The following FAM120B variants were observed in gnomAD, a reference collection of about 807,000 sequenced individuals.
FAM120B encodes the protein constitutive coactivator of peroxisome proliferator-activated receptor gamma.
In FAM120B, 83 loss-of-function variants were observed where a neutral mutation model predicts 96.3. The ratio of observed to expected loss-of-function variants is 0.86; its 90% confidence interval spans 0.72 to 1.03. FAM120B has a LOEUF of 1.03. Among genes scored for constraint, FAM120B ranks in the 50% least tolerant of loss-of-function variants. FAM120B has a pLI of 0.00. For synonymous variants in FAM120B, 407 were observed against 402.7 expected, an observed-to-expected ratio of 1.01 and a Z score of -0.13; for missense variants, 1,027 against 1,121.2, an observed-to-expected ratio of 0.92 and a Z score of 1.20.
At chr6:170,348,432 C>T in intron 5 of FAM120B, 109 bp downstream of exon 5, 1 of 979,342 alleles carries the variant, frequency 1.0e-6, no homozygotes, top group Non-Finnish European at 1.5e-6. Context: ...TTTCCAATGT[C>T]TGTTCCATGG....
chr6:170,368,421 C>G (rs1211381040), intron 6 of FAM120B, among the ~76,000 whole-genome samples: 1 of 152,114 alleles, frequency 6.6e-6, no homozygotes, highest in Non-Finnish European at 1.5e-5. Flanking sequence ...TCTCACTTTA[C>G]AAATTGAATA....
intron 3 of FAM120B, among the ~76,000 whole-genome samples, chr6:170,327,293 A>G (rs534549262): frequency 9.9e-5 from 15 of 152,142 alleles, no homozygotes; most frequent in Middle Eastern, 6.8e-3. Context: ...TGATCCGCCC[A>G]CCTCGGCCTC....
At position 170,317,374 on chromosome 6, in the gene FAM120B, T is replaced by C; in HGVS notation, c.-17T>C. 6.3e-7 allele frequency: 1 copy of C among 1,596,050 alleles called. No homozygotes were observed. Among genetic ancestry groups the C allele is most frequent in the South Asian group, 1.1e-5 (1 of 90,144 alleles). ...TTAATTTATCTTTCTTTCCAGATCCTTTCCCGGAGTTCAGTTATGGGTGTG... is the reference window on the plus strand; with the variant it reads ...TTAATTTATCTTTCTTTCCAGATCCCTTCCCGGAGTTCAGTTATGGGTGTG... On this transcript the variant is annotated 5_prime_UTR_variant, in exon 2 of 11. Coordinates refer to ENST00000476287, the MANE Select transcript of FAM120B (RefSeq NM_032448.3).
chr6:170,334,456 G>C (rs1157865435), intron 4 of FAM120B, among the ~76,000 whole-genome samples: 1 of 152,158 alleles, frequency 6.6e-6, no homozygotes, highest in Non-Finnish European at 1.5e-5. Context: ...TACATACACT[G>C]TTGAAGGTTT....
intron 6 of FAM120B, among the ~76,000 whole-genome samples, chr6:170,368,557 G>C (rs1788946458): frequency 6.6e-6 from 1 of 152,018 alleles, no homozygotes; most frequent in African/African-American, 2.4e-5. Flanking sequence ...TGTTTTCAAG[G>C]AGATATTTAC....
chr6:170,396,406 G>A (rs889626325), intron 9 of FAM120B, among the ~76,000 whole-genome samples: 6 of 152,288 alleles, frequency 3.9e-5, no homozygotes, highest in Non-Finnish European at 7.3e-5. Context: ...AGCAAACATT[G>A]CGAGTCCACT....
chr6:170,337,477 T>C (rs2115094816), intron 4 of FAM120B, among the ~76,000 whole-genome samples: 1 of 152,114 alleles, frequency 6.6e-6, no homozygotes, highest in Admixed American at 6.5e-5. Flanking sequence ...ATCAGAGATA[T>C]TAGCCTGAAA....
At chr6:170,350,470 C>T (rs1249281776) in intron 5 of FAM120B, among the ~76,000 whole-genome samples, 3 of 152,250 alleles carry the variant, frequency 2.0e-5, no homozygotes. Context: ...ATCCCTGATC[C>T]TGTTCCTCCT....
chr6:170,321,679 A>G (rs1785296587), intron 2 of FAM120B, among the ~76,000 whole-genome samples: 1 of 152,158 alleles, frequency 6.6e-6, no homozygotes, highest in African/African-American at 2.4e-5. Context: ...CTGGCCGGAT[A>G]GTCTTATAAT....
In FAM120B at chr6:170,358,222, T is replaced by A. The variant is rs1788099668; in HGVS notation, c.2191-4T>A. On this transcript the variant is annotated splice_region_variant and splice_polypyrimidine_tract_variant and intron_variant, in intron 5 of 10. Transcript: ENST00000476287. ...TAACACTGGCCTTTCTCTGTCCTTT[T>A]CAGGTGGACACGCTTTGCCTGGAGG... 1 of 1,592,004 alleles carries A rather than the reference T, an allele frequency of 6.3e-7. No homozygotes were observed. The highest frequency in any genetic ancestry group is 1.3e-5 in the African/African-American group (1 of 74,692).
chr6:170,358,102 G>C (rs891811700), intron 5 of FAM120B, 124 bp from the exon 6 acceptor site: 14 of 769,206 alleles, frequency 1.8e-5, no homozygotes, highest in Non-Finnish European at 2.8e-5. Flanking sequence ...GCGTGTGCCT[G>C]TACGTGCCTG....
intron 3 of FAM120B, among the ~76,000 whole-genome samples, chr6:170,329,119 C>G (rs968237758): frequency 6.6e-6 from 1 of 152,220 alleles, no homozygotes; most frequent in Non-Finnish European, 1.5e-5. Context: ...GAGTCTTACC[C>G]TATATCCTGA....
intron 3 of FAM120B, among the ~76,000 whole-genome samples, chr6:170,328,560 G>A (rs886941613): frequency 1.3e-5 from 2 of 152,096 alleles, no homozygotes; most frequent in Non-Finnish European, 1.5e-5. Flanking sequence ...TTCTCCTCTA[G>A]CTGTCTTTGC....
chr6:170,359,447 ACT>A (rs1182670433), intron 6 of FAM120B, among the ~76,000 whole-genome samples: 36 of 150,600 alleles, frequency 2.4e-4, no homozygotes, highest in African/African-American at 8.3e-4. Flanking sequence ...GTTAAGACTC[ACT>A]CTGTTGCCCA....
At chr6:170,294,128 G>A (rs748326366), upstream of FAM120B, among the ~76,000 whole-genome samples, 19 of 152,070 alleles carry the variant, frequency 1.2e-4, no homozygotes, top group Non-Finnish European at 2.2e-4. The surrounding 1 kb of genome is among the most constrained non-coding windows in gnomAD (Gnocchi z 7.9). Context: ...CCCCACAAAC[G>A]CAGGAGGGAG....
At chr6:170,358,759 G>A (rs1299710827) in intron 6 of FAM120B, among the ~76,000 whole-genome samples, 2 of 152,192 alleles carry the variant, frequency 1.3e-5, no homozygotes, top group Non-Finnish European at 2.9e-5. Flanking sequence ...CTTCATATGA[G>A]GGAGAGGGTA....
At chr6:170,356,142 C>T (rs1329940639) in intron 5 of FAM120B, among the ~76,000 whole-genome samples, 2 of 152,146 alleles carry the variant, frequency 1.3e-5, no homozygotes, top group Admixed American at 1.3e-4. Flanking sequence ...CATCACATCC[C>T]TGTTTATATA....
At chr6:170,402,854 G>A (rs1778658490) in intron 9 of FAM120B, among the ~76,000 whole-genome samples, 1 of 152,182 alleles carries the variant, frequency 6.6e-6, no homozygotes, top group African/African-American at 2.4e-5. Flanking sequence ...AGCAGCTGGA[G>A]CCTAACACCA....
chr6:170,388,236 G>C (rs1256139498), intron 6 of FAM120B, 51 bp from the exon 7 acceptor site: 2 of 1,504,520 alleles, frequency 1.3e-6, no homozygotes, highest in Admixed American at 1.7e-5. Flanking sequence ...TCTGTTTCCT[G>C]CATGTGTGAC....
Sources: gnomAD v4.1 joint callset for allele counts (sites outside exome capture counted in the v4.1 genomes callset) on GRCh38, gnomAD v4.1.1 for gene constraint, Gnocchi (gnomAD v3.1) non-coding constraint, MANE v1.5 for transcripts, NCBI Gene and HGNC (gene_info 2026-07-23, HGNC 2026-07-21) for gene names.